The following PITPNM2 variants were observed in gnomAD, a reference collection of about 807,000 sequenced individuals.
PITPNM2 encodes phosphatidylinositol transfer protein membrane associated 2.
In PITPNM2, 35 loss-of-function variants were observed where a neutral mutation model predicts 132.2. The observed-to-expected ratio is 0.26, with a 90% CI of 0.20 to 0.35. The LOEUF (loss-of-function observed/expected upper bound fraction) is 0.35. PITPNM2 is among the 10% of genes least tolerant of loss of function. PITPNM2 has a pLI of 1.00. For missense variants in PITPNM2, 1,332 were observed against 1,912.0 expected (o/e 0.70, Z 5.66); for synonymous variants, 738 against 799.2 (o/e 0.92, Z 1.29).
intron 24 of PITPNM2, 37 bp from the exon 25 acceptor site, chr12:122,986,601 C>T (rs1371687473): frequency 1.3e-6 from 2 of 1,599,646 alleles, no homozygotes; most frequent in Admixed American, 1.7e-5. Flanking sequence ...GCACCATGGT[C>T]CCTCTGCCCC....
intron 2 of PITPNM2, among the ~76,000 whole-genome samples, chr12:123,066,904 A>T (rs1426802960): frequency 1.3e-5 from 2 of 151,960 alleles, no homozygotes; most frequent in Non-Finnish European, 2.9e-5. Flanking sequence ...GTTTCCTGGG[A>T]CCCGCTGCCA....
At chr12:122,999,668 A>C (rs1282726842) in intron 10 of PITPNM2, among the ~76,000 whole-genome samples, 5 of 152,092 alleles carry the variant, frequency 3.3e-5, no homozygotes, top group Non-Finnish European at 7.4e-5. Flanking sequence ...TGCTTTCTCC[A>C]AGGGGACACC....
chr12:123,061,462 C>G (rs1297937223), intron 2 of PITPNM2, among the ~76,000 whole-genome samples: 3 of 152,232 alleles, frequency 2.0e-5, no homozygotes, highest in Non-Finnish European at 2.9e-5. Context: ...CAGCCATAAC[C>G]CTGTCCCAGA....
rs2043732694 is a variant in PITPNM2, at chr12:123,151,025, C to A, written c.-472G>T. On this transcript the variant is annotated 5_prime_UTR_variant, in exon 1 of 26. Coordinates refer to ENST00000320201, the MANE Select transcript of PITPNM2 (RefSeq NM_020845.3). The stretch of plus-strand genomic sequence containing the variant: ...GAGAAGGAAGCGCCGGGCGGGCGGC[C>A]GGGGCCGGCTGGACAGCTCTACGCC... Among the ~76,000 whole-genome samples the A allele has an allele frequency of 6.9e-6, 1 of 144,924 alleles. No homozygotes were observed. Among genetic ancestry groups the A allele is most frequent in the South Asian group, 2.2e-4 (1 of 4,610 alleles).
intron 2 of PITPNM2, chr12:123,087,751 T>C (rs1335935799): frequency 6.6e-6 from 1 of 152,170 alleles, no homozygotes; most frequent in Non-Finnish European, 1.5e-5. Context: ...CCCAAGTAGT[T>C]GGGATTACAA....
chr12:123,099,761 C>T lies in PITPNM2; in HGVS notation c.-96+10624G>A, dbSNP rs1200829115. 6.6e-6 allele frequency among the ~76,000 whole-genome samples: 1 copy of T among 152,162 alleles called. No homozygotes were observed. Among genetic ancestry groups the T allele is most frequent in the East Asian group, 1.9e-4 (1 of 5,192 alleles). ...AAGTCCCACCTACAGCCTCTCAGAT[C>T]CCACAGCTGGCGCACTATCCTTAGG... On this transcript the variant is annotated intron_variant, in intron 2 of 25. Coordinates refer to ENST00000320201, the MANE Select transcript of PITPNM2 (RefSeq NM_020845.3). This position sits in a 1 kb window ranked among gnomAD's most constrained non-coding sequence, Gnocchi z 4.2.
chr12:122,986,375 T>A, intron 25 of PITPNM2, 25 bp from the exon 26 acceptor site: 1 of 1,577,050 alleles, frequency 6.3e-7, no homozygotes, highest in Non-Finnish European at 8.6e-7. Context: ...AGGACGGCTG[T>A]CACAGGCTGG....
At chr12:123,093,849 A>G (rs1278387881) in intron 2 of PITPNM2, among the ~76,000 whole-genome samples, 3 of 152,250 alleles carry the variant, frequency 2.0e-5, no homozygotes, top group East Asian at 1.9e-4. Context: ...CCTGGAGTCT[A>G]TGGAAGGACA....
At chr12:123,037,870 CAT>C (rs1184250849) in intron 2 of PITPNM2, among the ~76,000 whole-genome samples, 2 of 152,250 alleles carry the variant, frequency 1.3e-5, no homozygotes, top group African/African-American at 4.8e-5. Context: ...TCTGTGAGCA[CAT>C]GTCTGGAACA....
rs2042705684 is a variant in PITPNM2, at chr12:123,106,165, C to T, written c.-96+4220G>A. On this transcript the variant is annotated intron_variant, in intron 2 of 25. Transcript: ENST00000320201. This position sits in a 1 kb window ranked among gnomAD's most constrained non-coding sequence, Gnocchi z 4.4. ...TCTCAACACGGCAGCCAGAAGACAT[C>T]CTTCTGAAGCACAATTCGACACAAG... Among the ~76,000 whole-genome samples, 1 of 152,228 alleles carries T rather than the reference C, an allele frequency of 6.6e-6. No homozygotes were observed. Among genetic ancestry groups the T allele is most frequent in the Non-Finnish European group, 1.5e-5 (1 of 68,040 alleles).
intron 2 of PITPNM2, among the ~76,000 whole-genome samples, chr12:123,044,062 C>T (rs1039363687): frequency 6.6e-6 from 1 of 152,204 alleles, no homozygotes; most frequent in African/African-American, 2.4e-5. Context: ...CCTAATTTAA[C>T]ACTGAGTATG....
chr12:123,127,844 C>T (rs565108560), intron 1 of PITPNM2, among the ~76,000 whole-genome samples: 3 of 152,176 alleles, frequency 2.0e-5, no homozygotes, highest in East Asian at 1.9e-4. Context: ...CTCCTGACCT[C>T]GTGATCCGCC....
chr12:122,997,317 C>T lies in PITPNM2; in HGVS notation c.1472+8G>A. 1 of 1,612,286 alleles carries T rather than the reference C, an allele frequency of 6.2e-7. No individual in the cohort carries two copies. The highest frequency in any genetic ancestry group is 8.5e-7 in the Non-Finnish European group (1 of 1,179,792). The stretch of plus-strand genomic sequence containing the variant: ...CGGAGGCTGCAATCAAGGGCAGATG[C>T]CACTCACTTGGAGACCAGGGCAAAG... On this transcript the variant is annotated splice_region_variant and intron_variant, in intron 11 of 25. Coordinates refer to ENST00000320201, the MANE Select transcript of PITPNM2 (RefSeq NM_020845.3).
chr12:123,037,375 C>T (rs575265216), intron 2 of PITPNM2, among the ~76,000 whole-genome samples: 31 of 152,338 alleles, frequency 2.0e-4, no homozygotes, highest in Middle Eastern at 3.4e-3. Flanking sequence ...AGCTTCTTCA[C>T]GTGGTTCTTC....
chr12:123,105,155 C>T (rs1312413690), intron 2 of PITPNM2, among the ~76,000 whole-genome samples: 2 of 152,164 alleles, frequency 1.3e-5, no homozygotes, highest in South Asian at 2.1e-4. Flanking sequence ...TTCAGGTCTT[C>T]GCCTAAATGT....
chr12:122,991,850 AG>A, intron 16 of PITPNM2: 3 of 1,306,738 alleles, frequency 2.3e-6, no homozygotes, highest in South Asian at 5.8e-5. Context: ...GAGAGGGGCC[AG>A]GGGGCCGCCC....
intron 2 of PITPNM2, among the ~76,000 whole-genome samples, chr12:123,046,771 T>C (rs1384127328): frequency 2.0e-5 from 3 of 152,224 alleles, no homozygotes; most frequent in African/African-American, 4.8e-5. Flanking sequence ...AGAACTTCAT[T>C]GCTTTTTATG....
chr12:123,056,368 C>T (rs977216869), intron 2 of PITPNM2, among the ~76,000 whole-genome samples: 3 of 152,188 alleles, frequency 2.0e-5, no homozygotes, highest in Non-Finnish European at 4.4e-5. Context: ...TGTCTCATGT[C>T]CACGTTGCCC....
chr12:123,071,317 C>T (rs1342997831), intron 2 of PITPNM2, among the ~76,000 whole-genome samples: 1 of 152,246 alleles, frequency 6.6e-6, no homozygotes, highest in African/African-American at 2.4e-5. Flanking sequence ...ATCCAAGTTT[C>T]AGCCATGAAA....
Sources: gnomAD v4.1 joint callset for allele counts (sites outside exome capture counted in the v4.1 genomes callset) on GRCh38, gnomAD v4.1.1 for gene constraint, Gnocchi (gnomAD v3.1) non-coding constraint, MANE v1.5 for transcripts, NCBI Gene and HGNC (gene_info 2026-07-23, HGNC 2026-07-21) for gene names.